Variants in ATP2B3 observed in about 807,000 individuals in gnomAD.
ATP2B3 encodes ATPase plasma membrane Ca2+ transporting 3.
Under a neutral mutation model 70.8 loss-of-function variants are expected in ATP2B3, and 12 were observed. That is an observed-to-expected ratio of 0.17 (90% CI 0.11 to 0.27). ATP2B3 has a LOEUF of 0.27. Ranked by LOEUF, ATP2B3 falls within the 10% of genes least tolerant of loss-of-function variation. The pLI is 1.00. For synonymous variants in ATP2B3, 460 were observed against 497.8 expected (o/e 0.92, Z 1.01); for missense variants, 858 against 1,118.5 (o/e 0.77, Z 3.32).
chrX:153,548,923 C>A, intron 10 of ATP2B3, 69 bp downstream of exon 10: 1 of 1,053,559 alleles, frequency 9.5e-7, no homozygotes, highest in Admixed American at 2.4e-5. Flanking sequence ...CATTGGGCGC[C>A]TTGGTGGCAG....
chrX:153,542,856 G>C (rs1237891264), intron 6 of ATP2B3, among the ~76,000 whole-genome samples, 187 bp from the exon 7 acceptor site: 7 of 113,393 alleles, frequency 6.2e-5, no homozygotes, highest in African/African-American at 1.9e-4. Flanking sequence ...AGGAAGGCTG[G>C]AGGCCCTAGG....
At chrX:153,559,991 C>T (rs782234752) in intron 18 of ATP2B3, 49 bp downstream of exon 18, 6 of 1,133,039 alleles carry the variant, frequency 5.3e-6, no homozygotes, top group Non-Finnish European at 7.2e-6. Flanking sequence ...CTGTTGCCAC[C>T]ACCTCGGGCT....
At position 153,541,406 on chromosome X, in the gene ATP2B3, G is replaced by A. The variant is rs2090278474; in HGVS notation, c.256G>A (p.Gly86Arg). 2 of 1,211,833 alleles carry A rather than the reference G, an allele frequency of 1.7e-6. No homozygotes were observed. The highest frequency in any genetic ancestry group is 2.2e-6 in the Non-Finnish European group (2 of 895,546). ...NDLEKRRQIY[G>R]QNFIPPKQPK... The stretch of plus-strand genomic sequence containing the variant: ...CCTGGAGAAGCGCAGGCAGATCTAC[G>A]GGCAGAACTTCATCCCCCCAAAGCA... Residue 86 changes from glycine to arginine, a missense_variant, in exon 4 of 22, where the codon GGG becomes AGG. By Grantham distance (125) the Gly-to-Arg change is moderately radical. Transcript: ENST00000263519.
At chrX:153,544,066 G>A (rs1557007850) in intron 7 of ATP2B3, among the ~76,000 whole-genome samples, 7 of 112,851 alleles carry the variant, frequency 6.2e-5, no homozygotes, top group Admixed American at 3.7e-4. Flanking sequence ...AAGCTTCGAC[G>A]AGCCCTGCCT....
At chrX:153,544,672 G>A (rs1246655471) in intron 7 of ATP2B3, among the ~76,000 whole-genome samples, 2 of 111,592 alleles carry the variant, frequency 1.8e-5, no homozygotes, top group Non-Finnish European at 3.8e-5. Context: ...CAGCCTGCCA[G>A]GTACACGCTT....
intron 8 of ATP2B3, among the ~76,000 whole-genome samples, chrX:153,546,816 C>T (rs1454869683): frequency 1.8e-5 from 2 of 112,991 alleles, no homozygotes; most frequent in Non-Finnish European, 3.8e-5. Flanking sequence ...CAGGCAACGC[C>T]CTGTGCGGAG....
intron 2 of ATP2B3, among the ~76,000 whole-genome samples, chrX:153,528,721 T>A (rs188550693): frequency 2.5e-3 from 283 of 112,401 alleles, no homozygotes; most frequent in African/African-American, 8.9e-3. Flanking sequence ...TTTGATTGTG[T>A]CATACATGGA....
At chrX:153,529,639 G>A (rs1302810692) in intron 2 of ATP2B3, among the ~76,000 whole-genome samples, 1 of 112,107 alleles carries the variant, frequency 8.9e-6, no homozygotes, top group Non-Finnish European at 1.9e-5. Context: ...TCATGGTGCT[G>A]TGCAGCCATC....
intron 7 of ATP2B3, among the ~76,000 whole-genome samples, chrX:153,543,480 C>G (rs1167354449): frequency 1.8e-5 from 2 of 112,874 alleles, no homozygotes; most frequent in African/African-American, 6.4e-5. Context: ...TACGGGGAGC[C>G]TCATGCTTAC....
intron 2 of ATP2B3, among the ~76,000 whole-genome samples, chrX:153,530,241 TC>T (rs1277504591): frequency 8.9e-6 from 1 of 111,910 alleles, no homozygotes; most frequent in Admixed American, 9.4e-5. Context: ...GACACCCAGA[TC>T]CCCCAGGGGT....
Position 153,569,627 on chromosome X carries a change from A to C in ATP2B3, c.3342+4524A>C, listed in dbSNP as rs201189290. ...GATGGAGGTAGTGAGTACCTTCAAGAGAAGCGGTTCAGTTCAGGGTGCTGT... is the reference window on the plus strand; with the variant it reads ...GATGGAGGTAGTGAGTACCTTCAAGCGAAGCGGTTCAGTTCAGGGTGCTGT... On this transcript the variant is annotated intron_variant, in intron 21 of 21. Transcript: ENST00000263519. 1.1e-5 allele frequency: 13 copies of C among 1,209,471 alleles called. No homozygotes were observed. In the East Asian group the frequency reaches 3.6e-4, roughly 33 times the overall value.
At chrX:153,575,350 A>G (rs2090842454) in intron 21 of ATP2B3, among the ~76,000 whole-genome samples, 1 of 112,610 alleles carries the variant, frequency 8.9e-6, no homozygotes, top group African/African-American at 3.2e-5. Context: ...GGGCACTTGA[A>G]GGAAGGAGCA....
chrX:153,544,209 G>T (rs782070202), intron 7 of ATP2B3, among the ~76,000 whole-genome samples: 53 of 112,238 alleles, frequency 4.7e-4, no homozygotes, highest in South Asian at 4.4e-3. Flanking sequence ...CCTGGGCCTC[G>T]TCTGGGCTGG....
At chrX:153,565,233 G>A in intron 21 of ATP2B3, 130 bp downstream of exon 21, 1 of 856,275 alleles carries the variant, frequency 1.2e-6, no homozygotes, top group Non-Finnish European at 1.6e-6. Context: ...TTGCTGCCAA[G>A]GTCACAAAAG....
intron 2 of ATP2B3, among the ~76,000 whole-genome samples, chrX:153,532,288 C>G (rs1024941588): frequency 1.8e-5 from 2 of 112,810 alleles, no homozygotes; most frequent in South Asian, 3.6e-4. Flanking sequence ...AAGTGCCGAG[C>G]CTTCTGGAGC....
At chrX:153,569,104 C>T (rs1188902873) in intron 21 of ATP2B3, 5 of 292,311 alleles carry the variant, frequency 1.7e-5, no homozygotes, top group African/African-American at 1.1e-4. Flanking sequence ...GCTGAAGTTT[C>T]GAGGGGGCGC....
intron 2 of ATP2B3, among the ~76,000 whole-genome samples, chrX:153,531,629 G>A (rs1309766206): frequency 1.8e-5 from 2 of 112,559 alleles, no homozygotes; most frequent in Non-Finnish European, 3.8e-5. Flanking sequence ...TTCTTGCTTC[G>A]GGGCCACGGC....
chrX:153,561,197 G>T (rs928407087), intron 19 of ATP2B3, among the ~76,000 whole-genome samples: 1 of 111,952 alleles, frequency 8.9e-6, no homozygotes, highest in Admixed American at 9.4e-5. Context: ...CTCTAGGTCT[G>T]CCATTCCCAT....
At chrX:153,535,114 G>A (rs1603036897) in intron 2 of ATP2B3, among the ~76,000 whole-genome samples, 1 of 113,100 alleles carries the variant, frequency 8.8e-6, no homozygotes, top group African/African-American at 3.2e-5. Context: ...CGGAGAGAGA[G>A]GAGCTGCAGT....
Sources: gnomAD v4.1 joint callset for allele counts (sites outside exome capture counted in the v4.1 genomes callset) on GRCh38, gnomAD v4.1.1 for gene constraint, MANE v1.5 for transcripts, NCBI Gene and HGNC (gene_info 2026-07-23, HGNC 2026-07-21) for gene names.